The following TEX15 variants were observed in gnomAD, a reference collection of about 807,000 sequenced individuals.
TEX15 encodes testis expressed 15, meiosis and synapsis associated, also known as testis-expressed protein 15.
In TEX15, 171 loss-of-function variants were observed where a neutral mutation model predicts 237.3. The ratio of observed to expected loss-of-function variants is 0.72; its 90% CI spans 0.64 to 0.82. The LOEUF is 0.82. TEX15 is among the 40% of genes least tolerant of loss of function. The pLI, the probability that TEX15 is intolerant of heterozygous loss-of-function variation, is 0.00. For synonymous variants in TEX15, 1,338 were observed against 1,269.8 expected, an observed-to-expected ratio of 1.05 and a Z score of -1.14; for missense variants, 3,750 against 3,646.5, an observed-to-expected ratio of 1.03 and a Z score of -0.73.
At chr8:30,904,068 A>G (rs1013485180) in intron 1 of TEX15, among the ~76,000 whole-genome samples, 10 of 152,268 alleles carry the variant, frequency 6.6e-5, no homozygotes, top group African/African-American at 2.4e-4. Context: ...GGAAATACAA[A>G]GAAATAATCA....
chr8:30,861,004 T>A (rs1398121336), intron 5 of TEX15, among the ~76,000 whole-genome samples: 1 of 151,322 alleles, frequency 6.6e-6, no homozygotes, highest in Non-Finnish European at 1.5e-5. Flanking sequence ...AAAACATTTT[T>A]AAAAAGGATG....
At position 30,845,122 on chromosome 8, in the gene TEX15, A is replaced by G. The variant is rs1488466634; in HGVS notation, c.5045T>C (p.Val1682Ala). ...TCTCTCAATAGGATCTGTCCACTTT[A>G]CTTCCAGGTTTCTTTTACAATCAGA... ...ILSDCKRNLE[V>A]KWTDPIERPK... is the part of the protein sequence containing the mutation. Residue 1682 changes from valine to alanine, a missense_variant, in exon 8 of 11, where the codon GTA (valine) becomes GCA (alanine). Val to Ala is a moderately conservative substitution (Grantham distance 64). Coordinates refer to ENST00000643185, the MANE Select transcript of TEX15 (RefSeq NM_001350162.2). 1 of 1,613,432 alleles carries G rather than the reference A, an allele frequency of 6.2e-7. No homozygotes were observed. Among genetic ancestry groups the G allele is most frequent in the Admixed American group, 1.7e-5 (1 of 59,974 alleles).
Position 30,846,465 on chromosome 8 carries a change from G to C in TEX15, c.3702C>G (p.Asn1234Lys), listed in dbSNP as rs754745053. The C allele has an allele frequency of 1.2e-6, 2 of 1,613,148 alleles. No homozygotes were observed. Among genetic ancestry groups the C allele is most frequent in the South Asian group, 2.2e-5 (2 of 91,060 alleles). Residue 1234 changes from asparagine to lysine, a missense_variant, in exon 8 of 11, where the codon AAC becomes AAG. Coordinates refer to ENST00000643185, the MANE Select transcript of TEX15 (RefSeq NM_001350162.2). ...AGTCAAAAGAAAGGGAGATTTCAGA[G>C]TTACTCACTGGCCCTGATTCTTGCC... ...NIRQESGPVSNSEISLSFDLS... is the reference protein window; with the variant it reads ...NIRQESGPVSKSEISLSFDLS...
At chr8:30,894,583 A>G (rs888692488) in intron 2 of TEX15, among the ~76,000 whole-genome samples, 2 of 152,238 alleles carry the variant, frequency 1.3e-5, no homozygotes. Flanking sequence ...GATGTTCCAC[A>G]AGGGTGCCAA....
intron 2 of TEX15, among the ~76,000 whole-genome samples, chr8:30,894,465 C>T (rs1472879889): frequency 6.6e-6 from 1 of 152,160 alleles, no homozygotes; most frequent in East Asian, 1.9e-4. Flanking sequence ...TTCACTATTT[C>T]CATAACTCAT....
intron 7 of TEX15, among the ~76,000 whole-genome samples, chr8:30,853,053 A>C (rs1161056221): frequency 6.6e-6 from 1 of 152,208 alleles, no homozygotes; most frequent in Non-Finnish European, 1.5e-5. Context: ...ACATGTGGCT[A>C]TGACTGTGGG....
chr8:30,849,601 A>G (rs1257328296), intron 7 of TEX15, among the ~76,000 whole-genome samples: 1 of 152,210 alleles, frequency 6.6e-6, no homozygotes, highest in Non-Finnish European at 1.5e-5. Context: ...ATGACAAATA[A>G]TAGAAAAAAA....
chr8:30,837,101 G>C lies in TEX15; in HGVS notation c.9183C>G (p.Tyr3061Ter), dbSNP rs751383015. The C allele has an allele frequency of 6.2e-7, 1 of 1,614,116 alleles. No individual in the cohort carries two copies. The highest frequency in any genetic ancestry group is 8.5e-7 in the Non-Finnish European group (1 of 1,180,008). ...GTACTTCATATGATGTTATCCCTTG[G>C]TATGTCTGGGTAATGGCATTGCCAT... ...NSNGNAITQT[Y>*]QGITSYEVQP... Residue 3061 changes from tyrosine (Y) to a stop codon, truncating the protein, a stop_gained, in exon 10 of 11, where the codon TAC becomes TAG. Coordinates refer to ENST00000643185, the MANE Select transcript of TEX15 (RefSeq NM_001350162.2). LOFTEE classifies it high-confidence loss of function.
rs1432737266 is a variant in TEX15, at chr8:30,843,194, C to G, written c.6973G>C (p.Glu2325Gln). 6 of 1,613,334 alleles carry G rather than the reference C, an allele frequency of 3.7e-6. No homozygotes were observed. The African/African-American group carries it at 8.0e-5, about 22-fold the overall frequency. Residue 2325 changes from glutamate to glutamine, a missense_variant, in exon 8 of 11, where the codon GAA (glutamate) becomes CAA (glutamine). Glu to Gln is a conservative substitution (Grantham distance 29). Coordinates refer to ENST00000643185, the MANE Select transcript of TEX15 (RefSeq NM_001350162.2). The stretch of plus-strand genomic sequence containing the variant: ...TCAAGCCCAATAGGGGAAATTGGTT[C>G]ATTGTTTAAATCTTTAGACAAAGTA... ...YDTLSKDLNNEPISPIGLEED... is the reference protein window; with the variant it reads ...YDTLSKDLNNQPISPIGLEED...
rs186835775 is a variant in TEX15, at chr8:30,844,294, G to T, written c.5873C>A (p.Thr1958Lys). The T allele has an allele frequency of 6.2e-7, 1 of 1,613,362 alleles. No homozygotes were observed. Among genetic ancestry groups the T allele is most frequent in the Non-Finnish European group, 8.5e-7 (1 of 1,179,502 alleles). The change falls in exon 8 of 11, where the codon ACG becomes AAG. Residue 1958 changes from threonine (T) to lysine (K), a missense_variant. Physicochemically the swap from Thr to Lys is moderately conservative, Grantham distance 78. Coordinates refer to ENST00000643185, the MANE Select transcript of TEX15 (RefSeq NM_001350162.2). ...TTCAGAGTGGGCAGGTAAAATAGGC[G>T]TATGATTAACTCCTAGAATTCCTGG... Reference protein sequence around the residue: ...SKPGILGVNHTPILPAHSETC... With the variant: ...SKPGILGVNHKPILPAHSETC...
At chr8:30,874,541 T>A (rs756869939) in intron 4 of TEX15, among the ~76,000 whole-genome samples, 28 of 152,162 alleles carry the variant, frequency 1.8e-4, no homozygotes, top group Non-Finnish European at 3.5e-4. Flanking sequence ...TCCTCTCAAA[T>A]TAAAACATCA....
chr8:30,895,744 G>A (rs1808892325), intron 2 of TEX15, among the ~76,000 whole-genome samples: 2 of 137,110 alleles, frequency 1.5e-5, no homozygotes, highest in African/African-American at 5.7e-5. Flanking sequence ...GCAGTGGTGC[G>A]ATCTCGGCTC....
chr8:30,847,058 T>C lies in TEX15; in HGVS notation c.3109A>G (p.Lys1037Glu). 6.2e-7 allele frequency: 1 copy of C among 1,612,970 alleles called. No homozygotes were observed. Among genetic ancestry groups the C allele is most frequent in the Non-Finnish European group, 8.5e-7 (1 of 1,179,436 alleles). Residue 1037 changes from lysine to glutamate, a missense_variant, in exon 8 of 11, where the codon AAA becomes GAA. Coordinates refer to ENST00000643185, the MANE Select transcript of TEX15 (RefSeq NM_001350162.2). Reference sequence around the variant, plus strand: ...GATTGATGAAATGATTCTTGTGATTTATTTTTATCCGTATCAATTTCACAA... The same window carrying C: ...GATTGATGAAATGATTCTTGTGATTCATTTTTATCCGTATCAATTTCACAA... ...SDCEIDTDKNKSQESFHQSIN... is the reference protein window; with the variant it reads ...SDCEIDTDKNESQESFHQSIN...
chr8:30,854,822 T>C (rs1010486030), intron 7 of TEX15, among the ~76,000 whole-genome samples: 2 of 152,036 alleles, frequency 1.3e-5, no homozygotes, highest in African/African-American at 4.8e-5. Flanking sequence ...GAATGCGATG[T>C]TAACATCTAA....
intron 2 of TEX15, chr8:30,887,820 T>C (rs1448346751): frequency 2.7e-5 from 4 of 150,370 alleles, no homozygotes; most frequent in Admixed American, 1.3e-4. Context: ...ATTTCGCATA[T>C]GTATATATTT....
At chr8:30,870,607 A>C (rs1585299935) in intron 4 of TEX15, among the ~76,000 whole-genome samples, 1 of 152,160 alleles carries the variant, frequency 6.6e-6, no homozygotes, top group East Asian at 1.9e-4. Context: ...AAGATAACTT[A>C]ATAATTTTCA....
intron 1 of TEX15, among the ~76,000 whole-genome samples, chr8:30,901,166 A>G (rs1393760471): frequency 1.3e-5 from 2 of 152,154 alleles, no homozygotes; most frequent in African/African-American, 2.4e-5. Context: ...AAGAAAATGA[A>G]AAACCAAAAT....
intron 5 of TEX15, among the ~76,000 whole-genome samples, chr8:30,865,401 T>G (rs1307065648): frequency 6.6e-6 from 1 of 152,132 alleles, no homozygotes; most frequent in Admixed American, 6.5e-5. Context: ...ATAATACCAA[T>G]TCTAATCAAA....
intron 3 of TEX15, among the ~76,000 whole-genome samples, chr8:30,878,277 G>A (rs1808442244): frequency 6.6e-6 from 1 of 152,036 alleles, no homozygotes; most frequent in South Asian, 2.1e-4. Flanking sequence ...AAATTAAGCT[G>A]CTGTGTACAT....
Sources: allele counts gnomAD v4.1 joint callset (sites outside exome capture counted in the v4.1 genomes callset), GRCh38; gene constraint gnomAD v4.1.1; transcripts MANE v1.5; gene names NCBI Gene and HGNC (gene_info 2026-07-23, HGNC 2026-07-21).